The following MTUS1 variants were observed in gnomAD, a reference collection of about 807,000 sequenced individuals.
The protein encoded by MTUS1 is microtubule associated scaffold protein 1, also known as microtubule-associated tumor suppressor 1.
MTUS1 carries 109 observed loss-of-function variants against 120.8 expected under a neutral mutation model. That is an observed-to-expected ratio of 0.90 (90% CI 0.77 to 1.06). MTUS1 has a LOEUF of 1.06. Among genes scored for constraint, MTUS1 ranks in the 50% least tolerant of loss-of-function variants. The pLI is 0.00. For missense variants in MTUS1, 2,210 were observed against 1,486.3 expected (o/e 1.49, Z -8.01); for synonymous variants, 737 against 550.5 (o/e 1.34, Z -4.74).
chr8:17,735,974 C>T (rs1009902259), intron 3 of MTUS1, among the ~76,000 whole-genome samples: 1 of 152,184 alleles, frequency 6.6e-6, no homozygotes, highest in South Asian at 2.1e-4. Context: ...TTCATTGGAA[C>T]GATTTGCTTA....
intron 1 of MTUS1, among the ~76,000 whole-genome samples, chr8:17,756,679 C>CCCCCCCCCCCA (rs58787907): frequency 1.5e-4 from 18 of 123,518 alleles, no homozygotes; most frequent in Admixed American, 1.8e-4. Flanking sequence ...AAACCCCCAC[C>CCCCCCCCCCCA]CCTTATGTAA....
At position 17,792,006 on chromosome 8, in the gene MTUS1, C is replaced by T. The variant is rs1283371524; in HGVS notation, c.-155+9055G>A. ...GGAGCAAAGGTAATGAAATTTCACT[C>T]AAGGTCACATGGCTAATAGGAAAAT... is the stretch of plus-strand genomic sequence containing the variant. On this transcript the variant is annotated intron_variant, in intron 1 of 14. Coordinates refer to ENST00000693296, the MANE Select transcript of MTUS1 (RefSeq NM_001363059.2). Among the ~76,000 whole-genome samples the T allele has an allele frequency of 2.0e-5, 3 of 152,268 alleles. No individual in the cohort carries two copies. In the East Asian group the frequency reaches 5.8e-4, roughly 29 times the overall value.
intron 8 of MTUS1, among the ~76,000 whole-genome samples, chr8:17,665,521 T>TTG (rs1554468361): frequency 6.6e-6 from 1 of 151,468 alleles, no homozygotes; most frequent in Middle Eastern, 3.2e-3. Flanking sequence ...CTCCAGCCTC[T>TTG]TTGTTGTTGT....
At chr8:17,783,405 G>T (rs1436485325) in intron 1 of MTUS1, among the ~76,000 whole-genome samples, 2 of 152,164 alleles carry the variant, frequency 1.3e-5, no homozygotes, top group Non-Finnish European at 2.9e-5. Flanking sequence ...GCAGAACAAA[G>T]TCTCAGCACT....
At chr8:17,686,686 A>C (rs1367463413) in intron 6 of MTUS1, among the ~76,000 whole-genome samples, 1 of 152,194 alleles carries the variant, frequency 6.6e-6, no homozygotes, top group Non-Finnish European at 1.5e-5. Context: ...AAAATCTGAG[A>C]GGTGAGTCTT....
chr8:17,681,985 T>C (rs967204460), intron 7 of MTUS1, among the ~76,000 whole-genome samples: 6 of 152,214 alleles, frequency 3.9e-5, no homozygotes, highest in Non-Finnish European at 8.8e-5. Context: ...TTCTAAGTTT[T>C]TGGAATCCAA....
chr8:17,700,399 G>C (rs1475452026), intron 6 of MTUS1, among the ~76,000 whole-genome samples: 1 of 132,998 alleles, frequency 7.5e-6, no homozygotes, highest in Non-Finnish European at 1.5e-5. Flanking sequence ...GAATCTGGGA[G>C]ATGGAGGTTG....
At chr8:17,682,514 T>G (rs1814771013) in intron 7 of MTUS1, among the ~76,000 whole-genome samples, 1 of 58,140 alleles carries the variant, frequency 1.7e-5, no homozygotes, top group Non-Finnish European at 3.2e-5. Flanking sequence ...CAAGACTCCA[T>G]CCCAAAAAAA....
At position 17,646,027 on chromosome 8, in the gene MTUS1, C is replaced by T. The variant is rs1259807033; in HGVS notation, c.3712G>A (p.Asp1238Asn). ...GGGGATCTCTTGGGGCTACACAGGT[C>T]CCCATTGTGCAGTTTCCACAGAAGC... The part of the protein sequence containing the change: ...EELLWKLHNG[D>N]LCSPKRSPTS... Residue 1238 changes from aspartate to asparagine, a missense_variant, in exon 15 of 15, where the codon GAC becomes AAC. Asp to Asn is a conservative substitution (Grantham distance 23, BLOSUM62 1). Coordinates refer to ENST00000693296, the MANE Select transcript of MTUS1 (RefSeq NM_001363059.2). 4 of 1,613,636 alleles carry T rather than the reference C, an allele frequency of 2.5e-6. No individual in the cohort carries two copies. The highest frequency in any genetic ancestry group is 4.5e-5 in the East Asian group (2 of 44,848).
Position 17,644,952 on chromosome 8 carries a change from G to A in MTUS1, c.*974C>T, listed in dbSNP as rs1352735399. 1.3e-5 allele frequency: 2 copies of A among 152,354 alleles called. No homozygotes were observed. Among genetic ancestry groups the A allele is most frequent in the African/African-American group, 4.8e-5 (2 of 41,426 alleles). The allele number at this position is 152,354 out of a possible 1,614,324, so 9.4% of individuals were successfully genotyped here. ...TGGTGGAGAAAGGTAAAAGGAAAAT[G>A]AGAATAATGGGAGGGAAGAAGACAG... On this transcript the variant is annotated 3_prime_UTR_variant, in exon 15 of 15. Coordinates refer to ENST00000693296, the MANE Select transcript of MTUS1 (RefSeq NM_001363059.2).
intron 8 of MTUS1, among the ~76,000 whole-genome samples, chr8:17,670,523 A>G (rs1811800061): frequency 6.6e-6 from 1 of 152,136 alleles, no homozygotes; most frequent in Non-Finnish European, 1.5e-5. Flanking sequence ...TCCAGTGAAA[A>G]AGATCACAGC....
At position 17,754,286 on chromosome 8, in the gene MTUS1, T is replaced by C; in HGVS notation, c.1522A>G (p.Lys508Glu). 3.1e-6 allele frequency: 5 copies of C among 1,614,180 alleles called. No homozygotes were observed. Among genetic ancestry groups the C allele is most frequent in the Non-Finnish European group, 4.2e-6 (5 of 1,180,038 alleles). ...GACATAACTTTTGCTTTGACATTCT[T>C]GAAGTTTGGTCTTGGGTAACTTATA... Reference protein sequence around the residue: ...EIISYPRPNFKNVKAKVMSRA... With the variant: ...EIISYPRPNFENVKAKVMSRA... Residue 508 changes from lysine (K) to glutamate (E), a missense_variant, in exon 2 of 15, where the codon AAG becomes GAG. Physicochemically the swap from Lys to Glu is moderately conservative, Grantham distance 56. Coordinates refer to ENST00000693296, the MANE Select transcript of MTUS1 (RefSeq NM_001363059.2).
At chr8:17,663,065 A>AG (rs1166464796) in intron 8 of MTUS1, among the ~76,000 whole-genome samples, 1 of 146,756 alleles carries the variant, frequency 6.8e-6, no homozygotes, top group Non-Finnish European at 1.5e-5. Flanking sequence ...AGCAAGAAAA[A>AG]AAAATCGTAA....
chr8:17,785,494 G>A (rs761008731), intron 1 of MTUS1, among the ~76,000 whole-genome samples: 46 of 152,196 alleles, frequency 3.0e-4, no homozygotes, highest in Non-Finnish European at 5.6e-4. Context: ...ATTTTGCCAA[G>A]AGGGGCACTT....
chr8:17,721,520 T>C lies in MTUS1; in HGVS notation c.2449+2152A>G, dbSNP rs2045840995. Among the ~76,000 whole-genome samples the C allele has an allele frequency of 2.6e-5, 4 of 152,032 alleles. No individual in the cohort carries two copies. The South Asian group carries it at 8.3e-4, about 32-fold the overall frequency. On this transcript the variant is annotated intron_variant, in intron 4 of 14. Coordinates refer to ENST00000693296, the MANE Select transcript of MTUS1 (RefSeq NM_001363059.2). ...AATTATATTAAGAGTGCAAAACACA[T>C]AAAAGAGACAACAAAATTGGTCCTA...
intron 8 of MTUS1, among the ~76,000 whole-genome samples, chr8:17,660,801 A>C (rs1181080171): frequency 6.6e-6 from 1 of 152,182 alleles, no homozygotes; most frequent in African/African-American, 2.4e-5. Context: ...GATAGAAATA[A>C]AATTGAGGCA....
At chr8:17,711,234 C>G (rs1420363365) in intron 6 of MTUS1, among the ~76,000 whole-genome samples, 1 of 152,194 alleles carries the variant, frequency 6.6e-6, no homozygotes, top group African/African-American at 2.4e-5. Context: ...CTCCTGTTTA[C>G]CTGTGCAAGT....
At position 17,645,786 on chromosome 8, in the gene MTUS1, C is replaced by T. The variant is rs1330243191; in HGVS notation, c.*140G>A. 1.2e-5 allele frequency: 14 copies of T among 1,132,822 alleles called. No individual in the cohort carries two copies. Among genetic ancestry groups the T allele is most frequent in the Middle Eastern group, 3.1e-4 (1 of 3,200 alleles). 70.2% of individuals were successfully genotyped at this position (1,132,822 alleles called of 1,614,324 possible). A position where few individuals can be genotyped will look rare whatever the true frequency, so the allele number is the denominator to read the frequency against. ...GTTCCAGTCTCAGAAGCTGCGATTC[C>T]GCCGGTGGTGACGCTCCAGTTACCC... On this transcript the variant is annotated 3_prime_UTR_variant, in exon 15 of 15. Coordinates refer to ENST00000693296, the MANE Select transcript of MTUS1 (RefSeq NM_001363059.2).
At chr8:17,656,230 T>G (rs1022978316) in intron 8 of MTUS1, among the ~76,000 whole-genome samples, 165 bp from the exon 9 acceptor site, 3 of 152,018 alleles carry the variant, frequency 2.0e-5, no homozygotes, top group South Asian at 4.1e-4. Flanking sequence ...AAGTGAACTG[T>G]AAAAAGGAAC....
Sources: gnomAD v4.1 joint callset for allele counts (sites outside exome capture counted in the v4.1 genomes callset) on GRCh38, gnomAD v4.1.1 for gene constraint, MANE v1.5 for transcripts, NCBI Gene and HGNC (gene_info 2026-07-23, HGNC 2026-07-21) for gene names.